Variants in DPP6 observed in about 807,000 individuals in gnomAD.
DPP6 encodes A-type potassium channel modulatory protein DPP6.
DPP6 carries 69 observed loss-of-function variants against 122.6 expected under a neutral mutation model. The ratio of observed to expected loss-of-function variants is 0.56; its 90% CI spans 0.46 to 0.69. DPP6 has a LOEUF of 0.69. Ranked by LOEUF, DPP6 falls within the 30% of genes least tolerant of loss-of-function variation. DPP6 has a pLI of 0.00. For missense variants in DPP6, 928 were observed against 1,116.9 expected, an observed-to-expected ratio of 0.83 and a Z score of 2.41; for synonymous variants, 418 against 433.1, an observed-to-expected ratio of 0.97 and a Z score of 0.43.
chr7:154,793,850 G>A, intron 10 of DPP6: 1 of 540,794 alleles, frequency 1.8e-6, no homozygotes, highest in Non-Finnish European at 3.0e-6. Context: ...GCAACTCCCA[G>A]TGTCTTTGGG....
intron 1 of DPP6, among the ~76,000 whole-genome samples, chr7:153,962,855 C>A (rs556722529): frequency 0.023 from 3,511 of 152,134 alleles, 127 homozygotes; most frequent in African/African-American, 0.08. Context: ...TGTAACATGA[C>A]ATTTCTCATT....
At chr7:154,462,200 A>G (rs974233941) in intron 2 of DPP6, among the ~76,000 whole-genome samples, 2 of 152,136 alleles carry the variant, frequency 1.3e-5, no homozygotes, top group Admixed American at 6.5e-5. Flanking sequence ...TAGGTTCTCT[A>G]TTCTGTTCCA....
chr7:153,805,608 G>A, the DPP6 span, among the ~76,000 whole-genome samples: 1,888 of 152,226 alleles, frequency 0.012, 51 homozygotes, highest in African/African-American at 0.044. Context: ...TAGCCCAAAT[G>A]TCCAACAATG....
intron 1 of DPP6, among the ~76,000 whole-genome samples, chr7:154,320,263 T>G (rs1807824636): frequency 1.3e-5 from 2 of 152,092 alleles, no homozygotes; most frequent in African/African-American, 4.8e-5. Flanking sequence ...GCCTCTCACT[T>G]CAGGCCGGCC....
the DPP6 span, among the ~76,000 whole-genome samples, chr7:153,811,308 C>T: frequency 7.2e-5 from 11 of 152,260 alleles, no homozygotes; most frequent in African/African-American, 2.6e-4. Flanking sequence ...CTCAAATGCG[C>T]TGTTTAAAAT....
chr7:154,404,969 T>C (rs1477104873), intron 1 of DPP6, among the ~76,000 whole-genome samples: 1 of 152,272 alleles, frequency 6.6e-6, no homozygotes, highest in African/African-American at 2.4e-5. Flanking sequence ...AGAATAAGTT[T>C]AGTAATAATA....
At chr7:154,333,785 T>A (rs992027683) in intron 1 of DPP6, among the ~76,000 whole-genome samples, 1 of 152,226 alleles carries the variant, frequency 6.6e-6, no homozygotes, top group African/African-American at 2.4e-5. Context: ...TTAACCAATA[T>A]CTGACTTTAT....
At chr7:154,594,829 C>A (rs1367462895) in intron 5 of DPP6, among the ~76,000 whole-genome samples, 28 of 152,146 alleles carry the variant, frequency 1.8e-4, no homozygotes, top group Admixed American at 1.8e-3. Context: ...CTAGACCAGA[C>A]CCAGATCCTG....
chr7:154,060,748 G>C (rs1010416880), intron 1 of DPP6, among the ~76,000 whole-genome samples: 129 of 119,854 alleles, frequency 1.1e-3, no homozygotes, highest in Middle Eastern at 5.8e-3. Context: ...GGCAGGGACT[G>C]AGAGCCAGTC....
rs1379543268 is a variant in DPP6 at position 154,889,313 on chromosome 7, G to A, written c.2346G>A (p.Gln782=). The change falls in exon 24 of 26, where the codon CAG becomes CAA. Residue 782 remains glutamine, a synonymous_variant. Transcript: ENST00000377770. ...ATCGAGTCTCCGCGCTGGAAGAACA[G>A]CAGTTCCTGATCATTCATCCCACTG... The part of the protein sequence containing the change: ...VAHRVSALEE[Q]QFLIIHPTAD... The A allele has an allele frequency of 6.2e-7, 1 of 1,613,016 alleles. No individual in the cohort carries two copies. The highest frequency in any genetic ancestry group is 1.1e-5 in the South Asian group (1 of 90,696).
chr7:154,884,676 C>T (rs1805959866), intron 21 of DPP6: 1 of 147,392 alleles, frequency 6.8e-6, no homozygotes, highest in Non-Finnish European at 1.5e-5. Context: ...CACACATGCT[C>T]ACACACAAGC....
At chr7:154,719,906 T>G (rs1442059566) in intron 7 of DPP6, among the ~76,000 whole-genome samples, 2 of 152,184 alleles carry the variant, frequency 1.3e-5, no homozygotes, top group East Asian at 3.9e-4. Context: ...GTCTGTGGGT[T>G]TCAGGGGGTG....
intron 1 of DPP6, among the ~76,000 whole-genome samples, chr7:154,281,760 T>C (rs1334130710): frequency 6.6e-6 from 1 of 152,172 alleles, no homozygotes; most frequent in African/African-American, 2.4e-5. Flanking sequence ...GCAGACGGAT[T>C]TCAGCATCAG....
intron 16 of DPP6, among the ~76,000 whole-genome samples, chr7:154,838,228 T>C (rs1462131726): frequency 6.6e-6 from 1 of 152,248 alleles, no homozygotes; most frequent in East Asian, 1.9e-4. Flanking sequence ...GGAATGTTTT[T>C]AGATTCACAG....
At chr7:154,373,707 T>C (rs1374165097) in intron 1 of DPP6, among the ~76,000 whole-genome samples, 3 of 48,214 alleles carry the variant, frequency 6.2e-5, no homozygotes, top group African/African-American at 1.6e-4. Flanking sequence ...TACACTGCTG[T>C]GCAGGCATTT....
chr7:154,455,821 T>G (rs1347541896), intron 2 of DPP6, among the ~76,000 whole-genome samples: 2 of 152,244 alleles, frequency 1.3e-5, no homozygotes, highest in African/African-American at 4.8e-5. Flanking sequence ...TTTCAAGTGT[T>G]GCTGCATTTT....
At chr7:154,388,120 G>A (rs1814278867) in intron 1 of DPP6, among the ~76,000 whole-genome samples, 1 of 151,982 alleles carries the variant, frequency 6.6e-6, no homozygotes, top group Admixed American at 6.6e-5. Context: ...TGGGCAACAT[G>A]ACGGAACCCC....
chr7:154,184,833 G>A (rs1798275064), intron 1 of DPP6, among the ~76,000 whole-genome samples: 2 of 152,170 alleles, frequency 1.3e-5, no homozygotes, highest in Admixed American at 1.3e-4. Context: ...TGCAGCAGAA[G>A]CAATCAGCAG....
intron 16 of DPP6, among the ~76,000 whole-genome samples, chr7:154,824,984 A>G (rs754141840): frequency 2.0e-5 from 3 of 152,254 alleles, no homozygotes; most frequent in African/African-American, 4.8e-5. Flanking sequence ...TTTCAGCAGA[A>G]GTACTAAATC....
Sources: allele counts gnomAD v4.1 joint callset (sites outside exome capture counted in the v4.1 genomes callset), GRCh38; gene constraint gnomAD v4.1.1; transcripts MANE v1.5; gene names NCBI Gene and HGNC (gene_info 2026-07-23, HGNC 2026-07-21).